Variants in EBF1 observed in about 807,000 individuals in gnomAD.
EBF1 encodes the protein transcription factor COE1.
Under a neutral mutation model 68.4 loss-of-function variants are expected in EBF1, and 10 were observed. The observed-to-expected ratio is 0.15, with a 90% CI of 0.09 to 0.25. The LOEUF is 0.25. Ranked by LOEUF, EBF1 falls within the 10% of genes least tolerant of loss-of-function variation. EBF1 has a pLI of 1.00. For missense variants in EBF1, 509 were observed against 794.4 expected, an observed-to-expected ratio of 0.64 and a Z score of 4.32; for synonymous variants, 298 against 299.8, an observed-to-expected ratio of 0.99 and a Z score of 0.06.
chr5:159,012,019 T>G (rs1405833730), intron 6 of EBF1, among the ~76,000 whole-genome samples: 1 of 151,950 alleles, frequency 6.6e-6, no homozygotes, highest in Non-Finnish European at 1.5e-5. Context: ...CCGGGTGCAG[T>G]GACTCACGCC....
intron 6 of EBF1, among the ~76,000 whole-genome samples, chr5:159,054,853 C>T (rs756775866): frequency 3.9e-5 from 6 of 152,206 alleles, no homozygotes; most frequent in Non-Finnish European, 5.9e-5. Flanking sequence ...GGGTTACTAT[C>T]TCACAGAGAC....
chr5:158,993,006 G>C (rs1436275217), intron 6 of EBF1, among the ~76,000 whole-genome samples: 1 of 128,502 alleles, frequency 7.8e-6, no homozygotes, highest in African/African-American at 3.0e-5. Flanking sequence ...TCGGCTCACT[G>C]CAACCTCCGC....
At chr5:158,862,136 G>A in intron 6 of EBF1, among the ~76,000 whole-genome samples, 1 of 152,042 alleles carries the variant, frequency 6.6e-6, no homozygotes, top group East Asian at 1.9e-4. Context: ...GAATAACCAA[G>A]GATTGCCTTA....
intron 10 of EBF1, among the ~76,000 whole-genome samples, chr5:158,738,175 CTCTT>C (rs990723221): frequency 4.6e-5 from 7 of 152,100 alleles, no homozygotes; most frequent in South Asian, 2.1e-4. Flanking sequence ...TTATACCTAT[CTCTT>C]TCTTTTTGAT....
intron 10 of EBF1, among the ~76,000 whole-genome samples, chr5:158,770,855 T>G (rs750350880): frequency 6.6e-6 from 1 of 152,194 alleles, no homozygotes; most frequent in East Asian, 1.9e-4. Context: ...TGTTTCTTTC[T>G]GGACACGTAC....
At chr5:158,938,717 G>C (rs1011989195) in intron 6 of EBF1, among the ~76,000 whole-genome samples, 1 of 152,118 alleles carries the variant, frequency 6.6e-6, no homozygotes, top group Non-Finnish European at 1.5e-5. Flanking sequence ...TTATGAAGAC[G>C]GTAATGCCAT....
intron 6 of EBF1, among the ~76,000 whole-genome samples, chr5:158,887,297 G>A (rs966286264): frequency 3.3e-5 from 5 of 152,128 alleles, no homozygotes; most frequent in African/African-American, 1.2e-4. Flanking sequence ...CCAAGCCGAA[G>A]ATACATCTTT....
intron 7 of EBF1, among the ~76,000 whole-genome samples, chr5:158,826,754 G>A (rs550056601): frequency 1.6e-4 from 24 of 152,192 alleles, no homozygotes; most frequent in Non-Finnish European, 2.9e-4. Flanking sequence ...ATAAGAGAAC[G>A]AGAAGGGCAA....
intron 5 of EBF1, among the ~76,000 whole-genome samples, chr5:159,079,892 G>A (rs1219501391): frequency 6.6e-6 from 1 of 152,066 alleles, no homozygotes; most frequent in East Asian, 1.9e-4. Context: ...TGGGATTACA[G>A]ACATGAGCCA....
chr5:158,903,716 A>C (rs1478251696), intron 6 of EBF1, among the ~76,000 whole-genome samples: 1 of 152,194 alleles, frequency 6.6e-6, no homozygotes, highest in African/African-American at 2.4e-5. Context: ...TGAAGAGTCA[A>C]GAAGGGATTG....
rs1245007002 is a variant in EBF1 at position 158,696,035 on chromosome 5, T to TAACA, written c.*3072_*3075dup. 8 of 202,726 alleles carry TAACA rather than the reference T, an allele frequency of 3.9e-5. No homozygotes were observed. The highest frequency in any genetic ancestry group is 1.6e-4 in the African/African-American group (7 of 43,700). 12.6% of individuals were successfully genotyped at this position (202,726 alleles called of 1,614,324 possible). ...CAATCTCTACAGTAGTTAGGTTCTC[T>TAACA]AACAATTGAACTGTACAGTGTGTGT... On this transcript the variant is annotated 3_prime_UTR_variant, in exon 16 of 16. Coordinates refer to ENST00000313708, the MANE Select transcript of EBF1 (RefSeq NM_024007.5).
rs11301371 is a variant in EBF1, at chr5:158,703,602, C to CAA, written c.1744+4375_1744+4376dup. ...GAAGTTGAGACTAGAGTTGCTTTTT[C>CAA]AAAAAAAAAAAAAAAAAACCCTCAG... On this transcript the variant is annotated intron_variant, in intron 15 of 15. Transcript: ENST00000313708. 7.9e-3 allele frequency among the ~76,000 whole-genome samples: 995 copies of CAA among 126,354 alleles called. 10 individuals carry two copies. Among genetic ancestry groups the CAA allele is most frequent in the African/African-American group, 0.025 (850 of 33,606 alleles). The allele number at this position is 126,354 out of a possible 152,430, so 82.9% of individuals were successfully genotyped here. A position where few individuals can be genotyped will look rare whatever the true frequency, so the allele number is the denominator to read the frequency against.
chr5:159,010,197 C>T (rs750514298), intron 6 of EBF1, among the ~76,000 whole-genome samples: 2 of 152,134 alleles, frequency 1.3e-5, no homozygotes, highest in Non-Finnish European at 2.9e-5. Context: ...AAAAAAGTCA[C>T]GATATCCTCG....
At chr5:158,901,434 C>A (rs1803302126) in intron 6 of EBF1, among the ~76,000 whole-genome samples, 1 of 152,220 alleles carries the variant, frequency 6.6e-6, no homozygotes, top group Non-Finnish European at 1.5e-5. Context: ...AGCTGCCACT[C>A]AATGGGTAGT....
intron 6 of EBF1, among the ~76,000 whole-genome samples, chr5:159,000,664 C>A (rs944653139): frequency 3.3e-5 from 5 of 152,162 alleles, no homozygotes; most frequent in South Asian, 2.1e-4. Context: ...ATGAGATTGG[C>A]AGCTCTCCAA....
At chr5:158,965,107 C>T (rs1753849610) in intron 6 of EBF1, among the ~76,000 whole-genome samples, 1 of 152,086 alleles carries the variant, frequency 6.6e-6, no homozygotes, top group African/African-American at 2.4e-5. Flanking sequence ...GTCACTAACT[C>T]GTTATGTAAG....
chr5:158,791,109 A>G (rs577502956), intron 9 of EBF1, among the ~76,000 whole-genome samples: 1 of 152,172 alleles, frequency 6.6e-6, no homozygotes, highest in East Asian at 1.9e-4. Context: ...TCACGATGTC[A>G]GGAGTTTGAG....
At chr5:158,936,414 T>C (rs1019212668) in intron 6 of EBF1, among the ~76,000 whole-genome samples, 1 of 152,228 alleles carries the variant, frequency 6.6e-6, no homozygotes, top group African/African-American at 2.4e-5. Context: ...GGTTTCCTCC[T>C]TCCTATGTAA....
chr5:158,924,828 G>A lies in EBF1; in HGVS notation c.555-84718C>T, dbSNP rs944031115. Among the ~76,000 whole-genome samples, 4 of 143,354 alleles carry A rather than the reference G, an allele frequency of 2.8e-5. 1 individual carries two copies. The highest frequency in any genetic ancestry group is 2.1e-4 in the East Asian group (1 of 4,850). The allele number at this position is 143,354 out of a possible 152,430, so 94.0% of individuals were successfully genotyped here. ...AGATCGCGCCACTGCACTCCAGCCTGGGCAACAGAGCGAGACTCTGTCTCA... is the reference window on the plus strand; with the variant it reads ...AGATCGCGCCACTGCACTCCAGCCTAGGCAACAGAGCGAGACTCTGTCTCA... On this transcript the variant is annotated intron_variant, in intron 6 of 15. Coordinates refer to ENST00000313708, the MANE Select transcript of EBF1 (RefSeq NM_024007.5).
Sources: allele counts gnomAD v4.1 joint callset (sites outside exome capture counted in the v4.1 genomes callset), GRCh38; gene constraint gnomAD v4.1.1; transcripts MANE v1.5; gene names NCBI Gene and HGNC (gene_info 2026-07-23, HGNC 2026-07-21).